The following NBAS variants were observed in gnomAD, a reference collection of about 807,000 sequenced individuals.
NBAS encodes NBAS subunit of NRZ tethering complex, also known as NAG/BC035112 fusion.
NBAS carries 219 observed loss-of-function variants against 302.5 expected under a neutral mutation model. The observed-to-expected ratio is 0.72, with a 90% CI of 0.65 to 0.81. The LOEUF is 0.81. NBAS is among the 30% of genes least tolerant of loss of function. The pLI is 0.00. For synonymous variants in NBAS, 1,118 were observed against 1,021.6 expected (o/e 1.09, Z -1.80); for missense variants, 2,932 against 2,841.6 (o/e 1.03, Z -0.72).
the NBAS span, among the ~76,000 whole-genome samples, chr2:14,855,908 A>G: frequency 6.6e-6 from 1 of 152,214 alleles, no homozygotes; most frequent in Non-Finnish European, 1.5e-5. Context: ...GTAGAGCCCC[A>G]GGGCATTGAA....
chr2:14,795,474 C>CATAT, the NBAS span, among the ~76,000 whole-genome samples: 8 of 147,842 alleles, frequency 5.4e-5, no homozygotes, highest in Admixed American at 1.3e-4. Flanking sequence ...CAAGATTTTA[C>CATAT]ATATATATAT....
chr2:15,505,382 T>C (rs1661795707), intron 10 of NBAS, among the ~76,000 whole-genome samples: 1 of 152,090 alleles, frequency 6.6e-6, no homozygotes, highest in African/African-American at 2.4e-5. Flanking sequence ...GACCTAAGTG[T>C]GGGCATGATA....
At chr2:14,866,963 T>C in the NBAS span, among the ~76,000 whole-genome samples, 1 of 152,196 alleles carries the variant, frequency 6.6e-6, no homozygotes, top group Non-Finnish European at 1.5e-5. Flanking sequence ...CACTGAGTCA[T>C]AATAATAATA....
chr2:14,861,299 T>C, the NBAS span, among the ~76,000 whole-genome samples: 3 of 152,228 alleles, frequency 2.0e-5, no homozygotes, highest in East Asian at 1.9e-4. Flanking sequence ...TTTTGTTTTA[T>C]GGTCTTCATT....
chr2:15,471,666 C>T (rs1034857298), intron 16 of NBAS, among the ~76,000 whole-genome samples: 2 of 152,078 alleles, frequency 1.3e-5, no homozygotes, highest in Non-Finnish European at 2.9e-5. Flanking sequence ...AAAAACTAAT[C>T]CCCAGAGTGA....
the NBAS span, among the ~76,000 whole-genome samples, chr2:14,903,231 A>C: frequency 6.6e-6 from 1 of 152,192 alleles, no homozygotes; most frequent in African/African-American, 2.4e-5. Flanking sequence ...CATCTGCAGA[A>C]GATGGTTAAA....
At chr2:15,112,887 G>A in the NBAS span, among the ~76,000 whole-genome samples, 3 of 152,120 alleles carry the variant, frequency 2.0e-5, no homozygotes, top group East Asian at 5.8e-4. Context: ...TAACTAAAAT[G>A]GCTGGCTAGA....
At chr2:15,548,816 A>G (rs1664239077) in intron 6 of NBAS, among the ~76,000 whole-genome samples, 1 of 151,964 alleles carries the variant, frequency 6.6e-6, no homozygotes, top group South Asian at 2.1e-4. Flanking sequence ...ATTCAATACA[A>G]AGGTAGGAGC....
the NBAS span, among the ~76,000 whole-genome samples, chr2:15,006,648 T>G: frequency 6.6e-6 from 1 of 152,318 alleles, no homozygotes; most frequent in South Asian, 2.1e-4. Context: ...TGGTCCTATA[T>G]AAAAATAAGC....
intron 28 of NBAS, among the ~76,000 whole-genome samples, chr2:15,392,002 C>T (rs1675629453): frequency 6.9e-6 from 1 of 144,554 alleles, no homozygotes; most frequent in African/African-American, 2.5e-5. Context: ...ACAAATGAAT[C>T]ACTGGCATCC....
chr2:15,027,806 C>T, the NBAS span, among the ~76,000 whole-genome samples: 8 of 152,146 alleles, frequency 5.3e-5, no homozygotes, highest in Admixed American at 2.0e-4. Flanking sequence ...ATCATATTTA[C>T]GTAGTTTTAT....
chr2:14,793,374 G>T, the NBAS span, among the ~76,000 whole-genome samples: 1 of 151,964 alleles, frequency 6.6e-6, no homozygotes, highest in African/African-American at 2.4e-5. Flanking sequence ...AAGATGAAAA[G>T]GTTATAAAAA....
the NBAS span, among the ~76,000 whole-genome samples, chr2:15,020,373 G>A: frequency 6.6e-6 from 1 of 152,222 alleles, no homozygotes; most frequent in African/African-American, 2.4e-5. Flanking sequence ...ATTGTTTCAA[G>A]AAGTGTGCTG....
At chr2:15,302,917 G>A (rs1402949611) in intron 40 of NBAS, among the ~76,000 whole-genome samples, 5 of 152,176 alleles carry the variant, frequency 3.3e-5, no homozygotes, top group Non-Finnish European at 7.3e-5. Context: ...GATGCTTCCT[G>A]CCCTTGAACA....
chr2:14,875,357 A>C, the NBAS span, among the ~76,000 whole-genome samples: 1 of 152,166 alleles, frequency 6.6e-6, no homozygotes, highest in Non-Finnish European at 1.5e-5. Flanking sequence ...TGGTGGCTCA[A>C]GCCTGTAATC....
At chr2:15,551,284 C>T (rs963311267) in intron 6 of NBAS, among the ~76,000 whole-genome samples, 1 of 150,860 alleles carries the variant, frequency 6.6e-6, no homozygotes, top group East Asian at 1.9e-4. Flanking sequence ...TTTTTTAGAA[C>T]CCAGTTTCCA....
In NBAS at chr2:15,178,234, CAT is replaced by C. The variant is rs372879867; in HGVS notation, c.6840+752_6840+753del. The C allele has an allele frequency of 5.6e-3, 2,554 of 457,152 alleles. 29 individuals carry two copies. Among genetic ancestry groups the C allele is most frequent in the South Asian group, 0.017 (1,038 of 62,724 alleles). The allele number at this position is 457,152 out of a possible 1,614,324, so 28.3% of individuals were successfully genotyped here. The stretch of plus-strand genomic sequence containing the variant: ...TATGTATATATACAATGTAAAATTA[CAT>C]ATGTGTGCATGTATGTGTATGTGTA... On this transcript the variant is annotated intron_variant, in intron 51 of 51. Coordinates refer to ENST00000281513, the MANE Select transcript of NBAS (RefSeq NM_015909.4).
At chr2:15,328,358 G>A (rs779452549) in intron 36 of NBAS, 46 bp from the exon 37 acceptor site, 10 of 1,485,084 alleles carry the variant, frequency 6.7e-6, no homozygotes, top group Admixed American at 6.7e-5. Flanking sequence ...AGAAAGAGAA[G>A]GCAAGGAGGT....
chr2:15,505,169 C>T (rs1661782134), intron 10 of NBAS, among the ~76,000 whole-genome samples: 1 of 152,146 alleles, frequency 6.6e-6, no homozygotes, highest in Non-Finnish European at 1.5e-5. Flanking sequence ...AACCTATGTC[C>T]CCACTTACTC....
Sources: gnomAD v4.1 joint callset for allele counts (sites outside exome capture counted in the v4.1 genomes callset) on GRCh38, gnomAD v4.1.1 for gene constraint, MANE v1.5 for transcripts, NCBI Gene and HGNC (gene_info 2026-07-23, HGNC 2026-07-21) for gene names.